The following SLC26A11 variants were observed in gnomAD, a reference collection of about 807,000 sequenced individuals.
SLC26A11 encodes sodium-independent sulfate anion transporter.
Under a neutral mutation model 62.2 loss-of-function variants are expected in SLC26A11, and 58 were observed. The ratio of observed to expected loss-of-function variants is 0.93; its 90% CI spans 0.76 to 1.16. SLC26A11 has a LOEUF of 1.16. Ranked by LOEUF, SLC26A11 falls within the 50% of genes most tolerant of loss-of-function variation. The probability of loss-of-function intolerance (pLI) is 0.00; values close to 1 mark genes in which losing one functional copy is unlikely to be tolerated. For missense variants in SLC26A11, 790 were observed against 794.3 expected (o/e 0.99, Z 0.06); for synonymous variants, 411 against 368.9 (o/e 1.11, Z -1.31).
chr17:80,224,411 G>C (rs1364146839), intron 5 of SLC26A11, among the ~76,000 whole-genome samples: 1 of 143,218 alleles, frequency 7.0e-6, no homozygotes, highest in South Asian at 2.3e-4. Flanking sequence ...GTGAGAGTGA[G>C]TGTGAGTGAG....
chr17:80,227,755 T>A, intron 6 of SLC26A11, 63 bp from the exon 7 acceptor site: 1 of 1,566,222 alleles, frequency 6.4e-7, no homozygotes, highest in South Asian at 1.1e-5. Context: ...AGCAGCAGGA[T>A]GCTTGAGTCA....
In SLC26A11 at chr17:80,248,218, G is replaced by GC; in HGVS notation, c.1384dup (p.Leu462ProfsTer11). 9 of 1,609,702 alleles carry GC rather than the reference G, an allele frequency of 5.6e-6. No individual in the cohort carries two copies. Among genetic ancestry groups the GC allele is most frequent in the Non-Finnish European group, 7.6e-6 (9 of 1,179,498 alleles). On this transcript the variant is annotated frameshift_variant, in exon 14 of 18. Transcript: ENST00000361193. LOFTEE classifies it high-confidence loss of function. ...TCCTGGCCGGGGCCCTGGTGTCTCT[G>GC]CTCATGCTCCTGCACTCTGCAGCCA... is the stretch of plus-strand genomic sequence containing the variant.
intron 3 of SLC26A11, 91 bp downstream of exon 3, chr17:80,221,885 T>G (rs1415879441): frequency 7.6e-7 from 1 of 1,322,518 alleles, no homozygotes; most frequent in Non-Finnish European, 1.0e-6. Context: ...ATTCCAGGTT[T>G]CCAGCCCCTG....
At chr17:80,238,254 G>T (rs754134419) in intron 9 of SLC26A11, among the ~76,000 whole-genome samples, 3 of 152,208 alleles carry the variant, frequency 2.0e-5, no homozygotes, top group Non-Finnish European at 2.9e-5. Flanking sequence ...TCAGAAGGCT[G>T]AGGCAGGAGG....
rs1243755322 is a variant in SLC26A11, at chr17:80,248,610, C to T, written c.1458C>T (p.Ala486=). The T allele has an allele frequency of 1.3e-6, 2 of 1,590,620 alleles. No individual in the cohort carries two copies. The highest frequency in any genetic ancestry group is 1.7e-6 in the Non-Finnish European group (2 of 1,169,026). ...SEGPVLVLQP[A]SGLSFPAMEA... is the part of the protein sequence containing the mutation. The stretch of plus-strand genomic sequence containing the variant: ...GGCCGGTTCTGGTCCTGCAGCCGGC[C>T]AGCGGCCTGTCCTTCCCTGCCATGG... The change falls in exon 15 of 18, where the codon GCC becomes GCT. Residue 486 remains alanine, a synonymous_variant. Coordinates refer to ENST00000361193, the MANE Select transcript of SLC26A11 (RefSeq NM_001166347.2).
At position 80,252,860 on chromosome 17, in the gene SLC26A11, C is replaced by T; in HGVS notation, c.*144C>T. On this transcript the variant is annotated 3_prime_UTR_variant, in exon 18 of 18. Transcript: ENST00000361193. This position sits in a 1 kb window ranked among gnomAD's most constrained non-coding sequence, Gnocchi z 5.2. ...GGTAACCCAGGGAAGAGAAGGAAGC[C>T]AGGCCTGGAGGTCCACGGCAGTGGG... 1 of 690,198 alleles carries T rather than the reference C, an allele frequency of 1.4e-6. No homozygotes were observed. The highest frequency in any genetic ancestry group is 2.4e-6 in the Non-Finnish European group (1 of 421,228). 42.8% of individuals were successfully genotyped at this position (690,198 alleles called of 1,614,324 possible).
At chr17:80,220,540 A>T (rs886718593) in intron 1 of SLC26A11, 44 bp downstream of exon 1, 139 of 348,296 alleles carry the variant, frequency 4.0e-4, no homozygotes, top group Middle Eastern at 8.5e-4. Flanking sequence ...GACCAGGGGC[A>T]GGGGGAGCGG....
intron 11 of SLC26A11, 156 bp downstream of exon 11, chr17:80,245,412 G>T: frequency 1.5e-6 from 1 of 664,200 alleles, no homozygotes; most frequent in Admixed American, 2.4e-5. Context: ...TGTCCTCCAG[G>T]GTGTTCTCTG....
At chr17:80,241,004 C>T (rs185252850) in intron 9 of SLC26A11, among the ~76,000 whole-genome samples, 35 of 152,050 alleles carry the variant, frequency 2.3e-4, no homozygotes, top group African/African-American at 7.0e-4. Context: ...GCTCAGGAGC[C>T]TAAGGCAGGA....
At chr17:80,236,849 C>A in intron 7 of SLC26A11, 79 bp from the exon 8 acceptor site, 2 of 1,488,192 alleles carry the variant, frequency 1.3e-6, no homozygotes, top group Non-Finnish European at 1.8e-6. Context: ...GGATGTCTGC[C>A]CCAGTAACCT....
intron 7 of SLC26A11, 134 bp from the exon 8 acceptor site, chr17:80,236,794 T>G: frequency 1.1e-6 from 1 of 887,148 alleles, no homozygotes; most frequent in South Asian, 1.6e-5. Context: ...TTTCCCAGAG[T>G]GCAGAGTGAG....
chr17:80,230,721 G>A (rs1183837004), intron 7 of SLC26A11, among the ~76,000 whole-genome samples: 2 of 152,138 alleles, frequency 1.3e-5, no homozygotes, highest in African/African-American at 2.4e-5. Context: ...TCTAGACATC[G>A]TAATGTACAG....
At chr17:80,244,749 G>A (rs948172336) in intron 10 of SLC26A11, among the ~76,000 whole-genome samples, 1 of 151,914 alleles carries the variant, frequency 6.6e-6, no homozygotes, top group Non-Finnish European at 1.5e-5. Flanking sequence ...GGTCGAAGCG[G>A]GTGGATCACT....
rs193066894 is a variant in SLC26A11 at position 80,251,231 on chromosome 17, C to G, written c.1657-98C>G. 19 of 1,611,636 alleles carry G rather than the reference C, an allele frequency of 1.2e-5. No individual in the cohort carries two copies. In the African/African-American group the frequency reaches 2.3e-4, roughly 19 times the overall value. On this transcript the variant is annotated intron_variant, in intron 16 of 17. Coordinates refer to ENST00000361193, the MANE Select transcript of SLC26A11 (RefSeq NM_001166347.2). ...CACTGGTATGGAGGTGAAGCCATAC[C>G]TCTCCGGGAGACTCTGAGATGGCAG...
rs1247869576 is a variant in SLC26A11, at chr17:80,246,178, G to C, written c.1122G>C (p.Gly374=). 1 of 1,613,014 alleles carries C rather than the reference G, an allele frequency of 6.2e-7. No individual in the cohort carries two copies. Among genetic ancestry groups the C allele is most frequent in the Non-Finnish European group, 8.5e-7 (1 of 1,179,952 alleles). Residue 374 remains glycine (G), a synonymous_variant, in exon 12 of 18, where the codon GGG becomes GGC. Coordinates refer to ENST00000361193, the MANE Select transcript of SLC26A11 (RefSeq NM_001166347.2). The surrounding 1 kb of genome is among the most constrained non-coding windows in gnomAD (Gnocchi z 4.4). The part of the protein sequence containing the change: ...FGRTAVNAQS[G]VCTPAGGLVT... ...GGACAGCCGTGAACGCTCAGTCGGG[G>C]GTGTGCACCCCGGCGGGGGGCCTGG...
intron 14 of SLC26A11, 71 bp from the exon 15 acceptor site, chr17:80,248,504 G>A (rs956080252): frequency 4.1e-6 from 6 of 1,472,452 alleles, no homozygotes; most frequent in Non-Finnish European, 4.6e-6. Flanking sequence ...GGGGCTTCCC[G>A]CTTGGGACAG....
intron 5 of SLC26A11, chr17:80,225,453 C>T (rs1314699500): frequency 4.4e-6 from 1 of 225,180 alleles, no homozygotes; most frequent in East Asian, 1.2e-4. Flanking sequence ...CTGCAGGGGG[C>T]CTGGCTGCTG....
At position 80,246,599 on chromosome 17, in the gene SLC26A11, T is replaced by C; in HGVS notation, c.1244T>C (p.Val415Ala). Reference sequence around the variant, plus strand: ...CTGGCTGCCGTCATCATCATGGCCGTGGCCCCGCTGTTCGACACCAAGATC... The same window carrying C: ...CTGGCTGCCGTCATCATCATGGCCGCGGCCCCGCTGTTCGACACCAAGATC... Reference protein sequence around the residue: ...SALAAVIIMAVAPLFDTKIFR... With the variant: ...SALAAVIIMAAAPLFDTKIFR... Residue 415 changes from valine (V) to alanine (A), a missense_variant, in exon 13 of 18, where the codon GTG (valine) becomes GCG (alanine). Physicochemically the swap from Val to Ala is moderately conservative, Grantham distance 64 (BLOSUM62 0). Coordinates refer to ENST00000361193, the MANE Select transcript of SLC26A11 (RefSeq NM_001166347.2). This position sits in a 1 kb window ranked among gnomAD's most constrained non-coding sequence, Gnocchi z 4.4. 6.2e-7 allele frequency: 1 copy of C among 1,613,996 alleles called. No individual in the cohort carries two copies. The highest frequency in any genetic ancestry group is 8.5e-7 in the Non-Finnish European group (1 of 1,180,012).
Position 80,222,267 on chromosome 17 carries a change from C to T in SLC26A11, c.235-388C>T. On this transcript the variant is annotated intron_variant, in intron 3 of 17. Transcript: ENST00000361193. The surrounding 1 kb of genome is among the most constrained non-coding windows in gnomAD (Gnocchi z 4.7). ...GGCGGGTGCCTGTAGTCCCAGCTAC[C>T]TGGGAGGCTGAGGCAGGAGAATGGC... is the stretch of plus-strand genomic sequence containing the variant. The T allele has an allele frequency of 5.2e-6, 1 of 192,810 alleles. No individual in the cohort carries two copies. The highest frequency in any genetic ancestry group is 1.4e-4 in the South Asian group (1 of 7,196). The allele number at this position is 192,810 out of a possible 1,614,324, so 11.9% of individuals were successfully genotyped here.
Sources: gnomAD v4.1 joint callset for allele counts (sites outside exome capture counted in the v4.1 genomes callset) on GRCh38, gnomAD v4.1.1 for gene constraint, Gnocchi (gnomAD v3.1) non-coding constraint, MANE v1.5 for transcripts, NCBI Gene and HGNC (gene_info 2026-07-23, HGNC 2026-07-21) for gene names.